EXOC6B: variants seen among roughly 807,000 people sequenced by gnomAD.
The protein encoded by EXOC6B is SEC15 homolog B.
A neutral mutation model predicts 113.5 loss-of-function variants in EXOC6B; 54 were observed. The observed-to-expected ratio is 0.48, with a 90% confidence interval of 0.38 to 0.60. The LOEUF (loss-of-function observed/expected upper bound fraction) is 0.60, where lower values mean the gene tolerates loss of function less well. Among genes scored for constraint, EXOC6B ranks in the 20% least tolerant of loss-of-function variants. The pLI is 0.00. For synonymous variants in EXOC6B, 357 were observed against 339.0 expected (o/e 1.05, Z -0.58); for missense variants, 797 against 977.5 (o/e 0.82, Z 2.46).
chr2:72,275,390 C>T (rs974596681), intron 20 of EXOC6B, among the ~76,000 whole-genome samples: 2 of 152,100 alleles, frequency 1.3e-5, no homozygotes, highest in African/African-American at 2.4e-5. Flanking sequence ...CTGGTAATTA[C>T]AAAGTTTCCC....
rs769444422 is a variant in EXOC6B at position 72,203,088 on chromosome 2, G to A, written c.2197-18901C>T. ...ATTCAGCATAGTGCCTGGCACAAAC[G>A]TTCAGCAAATACTGGCGATGATGAT... On this transcript the variant is annotated intron_variant, in intron 20 of 21. Transcript: ENST00000272427. Among the ~76,000 whole-genome samples, 9 of 152,310 alleles carry A rather than the reference G, an allele frequency of 5.9e-5. No homozygotes were observed. The South Asian group carries it at 6.2e-4, about 11-fold the overall frequency.
intron 6 of EXOC6B, among the ~76,000 whole-genome samples, chr2:72,582,566 C>T (rs968746023): frequency 4.6e-5 from 7 of 151,386 alleles, no homozygotes; most frequent in Non-Finnish European, 5.9e-5. Context: ...TGGAGTTTCG[C>T]TCTTGTTGCC....
chr2:72,650,479 T>C (rs1573556307), intron 6 of EXOC6B, among the ~76,000 whole-genome samples: 1 of 152,108 alleles, frequency 6.6e-6, no homozygotes, highest in Non-Finnish European at 1.5e-5. Flanking sequence ...CATACGCCTA[T>C]ACTCCCAGCT....
At chr2:72,199,839 T>A (rs1486643740) in intron 20 of EXOC6B, among the ~76,000 whole-genome samples, 1 of 152,216 alleles carries the variant, frequency 6.6e-6, no homozygotes, top group East Asian at 1.9e-4. Context: ...ATACCATTAG[T>A]CATCCTGCTT....
At chr2:72,468,124 G>A (rs1190540188) in intron 17 of EXOC6B, among the ~76,000 whole-genome samples, 1 of 151,890 alleles carries the variant, frequency 6.6e-6, no homozygotes, top group Non-Finnish European at 1.5e-5. Flanking sequence ...TCTTTGCTGT[G>A]CAAAAGCTTT....
At chr2:72,340,832 T>C (rs1349804343) in intron 19 of EXOC6B, among the ~76,000 whole-genome samples, 1 of 152,250 alleles carries the variant, frequency 6.6e-6, no homozygotes, top group Non-Finnish European at 1.5e-5. Flanking sequence ...CTATGAAGTG[T>C]CTAGGGAAGC....
chr2:72,190,301 A>G (rs995270178), intron 20 of EXOC6B, among the ~76,000 whole-genome samples: 2 of 152,086 alleles, frequency 1.3e-5, no homozygotes. Flanking sequence ...GAAAGTACTG[A>G]TTTCTAAAGT....
At chr2:72,328,649 G>T (rs186839907) in intron 20 of EXOC6B, among the ~76,000 whole-genome samples, 1 of 152,218 alleles carries the variant, frequency 6.6e-6, no homozygotes, top group East Asian at 1.9e-4. Flanking sequence ...GCTATGTCAA[G>T]ATCTGAAATA....
intron 1 of EXOC6B, among the ~76,000 whole-genome samples, chr2:72,772,419 C>T (rs1369734860): frequency 6.6e-6 from 1 of 152,194 alleles, no homozygotes; most frequent in Non-Finnish European, 1.5e-5. Flanking sequence ...CAAGTCCCCA[C>T]AGAAACAGGT....
intron 8 of EXOC6B, among the ~76,000 whole-genome samples, chr2:72,551,980 AG>A (rs996797193): frequency 1.6e-4 from 7 of 43,978 alleles, no homozygotes; most frequent in Non-Finnish European, 4.4e-4. Context: ...AGAGAAATTC[AG>A]TAAGTGTTTT....
chr2:72,458,603 G>C (rs757216829), intron 18 of EXOC6B, among the ~76,000 whole-genome samples: 4 of 151,932 alleles, frequency 2.6e-5, no homozygotes, highest in Admixed American at 6.6e-5. Context: ...AGCCTGAGTG[G>C]TAGAATCAAC....
intron 1 of EXOC6B, among the ~76,000 whole-genome samples, chr2:72,793,490 C>T (rs1684789312): frequency 6.6e-6 from 1 of 152,086 alleles, no homozygotes; most frequent in South Asian, 2.1e-4. Flanking sequence ...CAGAGAAGAA[C>T]TACCAACTAA....
At chr2:72,717,196 T>C (rs1418424992) in intron 6 of EXOC6B, among the ~76,000 whole-genome samples, 1 of 152,146 alleles carries the variant, frequency 6.6e-6, no homozygotes, top group Non-Finnish European at 1.5e-5. Flanking sequence ...AGAATCTCTT[T>C]TGGAGGATCA....
chr2:72,495,366 A>G (rs988438816), intron 15 of EXOC6B, 64 bp downstream of exon 15: 2 of 913,530 alleles, frequency 2.2e-6, no homozygotes, highest in Non-Finnish European at 3.3e-6. Context: ...AGTTTTTCAG[A>G]ATATGTAAAT....
At chr2:72,770,714 C>G (rs996861985) in intron 1 of EXOC6B, among the ~76,000 whole-genome samples, 27 of 152,128 alleles carry the variant, frequency 1.8e-4, no homozygotes, top group Admixed American at 3.3e-4. Context: ...TAAGATAATA[C>G]TATTCCCTGA....
chr2:72,461,635 G>A (rs1697685540), intron 18 of EXOC6B: 1 of 151,798 alleles, frequency 6.6e-6, no homozygotes, highest in South Asian at 2.1e-4. Flanking sequence ...AAAATACATT[G>A]TATTAAATAT....
At chr2:72,530,252 T>C (rs1426399901) in intron 8 of EXOC6B, among the ~76,000 whole-genome samples, 1 of 152,352 alleles carries the variant, frequency 6.6e-6, no homozygotes, top group Non-Finnish European at 1.5e-5. Flanking sequence ...TCTTTTCCAG[T>C]GTAAACAGTT....
intron 18 of EXOC6B, among the ~76,000 whole-genome samples, chr2:72,404,122 A>C (rs905882231): frequency 3.9e-5 from 6 of 152,216 alleles, no homozygotes; most frequent in Non-Finnish European, 8.8e-5. Flanking sequence ...CTAGCACAGC[A>C]GTCTGATATC....
At chr2:72,314,655 A>G (rs1007125067) in intron 20 of EXOC6B, among the ~76,000 whole-genome samples, 2 of 152,198 alleles carry the variant, frequency 1.3e-5, no homozygotes, top group Non-Finnish European at 2.9e-5. Context: ...TCTCTACTTC[A>G]TAGAAAGGTA....
Sources: allele counts gnomAD v4.1 joint callset (sites outside exome capture counted in the v4.1 genomes callset), GRCh38; gene constraint gnomAD v4.1.1; transcripts MANE v1.5; gene names NCBI Gene and HGNC (gene_info 2026-07-23, HGNC 2026-07-21).